GLI3: variants seen among roughly 807,000 people sequenced by gnomAD.
GLI3 encodes GLI family zinc finger 3.
Under a neutral mutation model 100.8 loss-of-function variants are expected in GLI3, and 20 were observed. The observed-to-expected ratio is 0.20, with a 90% CI of 0.14 to 0.29. The LOEUF (loss-of-function observed/expected upper bound fraction) is 0.29, where lower values mean the gene tolerates loss of function less well. Ranked by LOEUF, GLI3 falls within the 10% of genes least tolerant of loss-of-function variation. The pLI is 1.00. For missense variants in GLI3, 2,040 were observed against 2,128.5 expected, an observed-to-expected ratio of 0.96 and a Z score of 0.82; for synonymous variants, 938 against 860.5, an observed-to-expected ratio of 1.09 and a Z score of -1.58.
intron 13 of GLI3, 40 bp from the exon 14 acceptor site, chr7:41,967,963 G>A (rs1183934146): frequency 6.6e-7 from 1 of 1,524,412 alleles, no homozygotes; most frequent in African/African-American, 1.4e-5. Flanking sequence ...TGTCACCAGG[G>A]AGGGTCAAGG....
intron 1 of GLI3, among the ~76,000 whole-genome samples, chr7:42,263,847 ATTTTTCTGC>A (rs1257553263): frequency 2.6e-5 from 4 of 152,080 alleles, no homozygotes; most frequent in Admixed American, 6.6e-5. Context: ...ATATCAGGAT[ATTTTTCTGC>A]TATGAAACAT....
At chr7:42,212,285 T>G (rs1462612214) in intron 2 of GLI3, among the ~76,000 whole-genome samples, 1 of 152,236 alleles carries the variant, frequency 6.6e-6, no homozygotes, top group African/African-American at 2.4e-5. Context: ...TCAAAGGATT[T>G]TAAAATCTGC....
intron 4 of GLI3, among the ~76,000 whole-genome samples, chr7:42,055,640 A>T (rs910654665): frequency 6.6e-6 from 1 of 151,802 alleles, no homozygotes; most frequent in Non-Finnish European, 1.5e-5. Context: ...CCTTAACCCT[A>T]CCCACACCTC....
intron 2 of GLI3, among the ~76,000 whole-genome samples, chr7:42,170,283 T>C (rs1456833048): frequency 4.1e-5 from 6 of 145,812 alleles, no homozygotes; most frequent in African/African-American, 1.5e-4. Context: ...TATATATATA[T>C]ATATACACAC....
At chr7:42,229,018 GATTCCTTTAT>G (rs1203621001) in intron 1 of GLI3, among the ~76,000 whole-genome samples, 4 of 152,158 alleles carry the variant, frequency 2.6e-5, no homozygotes, top group African/African-American at 4.8e-5. Context: ...ATGGGAGCAG[GATTCCTTTAT>G]CGTTTAAACA....
At chr7:42,025,934 C>T (rs1372932014) in intron 8 of GLI3, among the ~76,000 whole-genome samples, 1 of 152,226 alleles carries the variant, frequency 6.6e-6, no homozygotes, top group Non-Finnish European at 1.5e-5. Context: ...TTACAGATGG[C>T]ACCAGGTCAC....
intron 2 of GLI3, among the ~76,000 whole-genome samples, chr7:42,171,120 C>T (rs1787363889): frequency 1.3e-5 from 2 of 152,196 alleles, no homozygotes; most frequent in African/African-American, 2.4e-5. Context: ...TTGCATCTCA[C>T]CTTAGCTTCT....
intron 4 of GLI3, among the ~76,000 whole-genome samples, chr7:42,048,943 A>G (rs747110786): frequency 6.6e-6 from 1 of 152,150 alleles, no homozygotes; most frequent in African/African-American, 2.4e-5. Context: ...TTGCACTCCA[A>G]AATAGTAAAA....
intron 10 of GLI3, among the ~76,000 whole-genome samples, chr7:41,984,583 C>T (rs1190442749): frequency 6.6e-6 from 1 of 152,212 alleles, no homozygotes; most frequent in Non-Finnish European, 1.5e-5. Context: ...CACCTGGCTG[C>T]CTCAAAAGTC....
chr7:42,053,709 C>T (rs1248696269), intron 4 of GLI3, among the ~76,000 whole-genome samples: 2 of 152,194 alleles, frequency 1.3e-5, no homozygotes, highest in Non-Finnish European at 2.9e-5. Context: ...GTCTGTGGCT[C>T]AGTCATTGGA....
At chr7:41,974,126 C>T (rs1787439273) in intron 12 of GLI3, among the ~76,000 whole-genome samples, 1 of 152,076 alleles carries the variant, frequency 6.6e-6, no homozygotes, top group Admixed American at 6.5e-5. Context: ...GAGCACAAAG[C>T]CTGCATGTTT....
At chr7:42,102,581 G>T (rs545964468) in intron 3 of GLI3, among the ~76,000 whole-genome samples, 10 of 152,216 alleles carry the variant, frequency 6.6e-5, no homozygotes, top group African/African-American at 1.9e-4. Flanking sequence ...CCCAGCCACC[G>T]AGCAGCTGTA....
At chr7:42,075,465 T>C (rs1225951197) in intron 4 of GLI3, among the ~76,000 whole-genome samples, 1 of 152,300 alleles carries the variant, frequency 6.6e-6, no homozygotes, top group East Asian at 1.9e-4. Flanking sequence ...GAATTACATG[T>C]CATGTTTCAG....
intron 3 of GLI3, among the ~76,000 whole-genome samples, chr7:42,126,587 TAATCTGAGTTTCCTGGAAACAAC>T (rs1411766861): frequency 6.6e-6 from 1 of 152,166 alleles, no homozygotes; most frequent in African/African-American, 2.4e-5. Context: ...GAGCAGCTAA[TAATCTGAGTTTCCTGGAAACAAC>T]AATCTGAGTT....
chr7:42,029,767 T>A lies in GLI3; in HGVS notation c.1029-3355A>T, dbSNP rs573835044. Among the ~76,000 whole-genome samples the A allele has an allele frequency of 5.3e-5, 8 of 152,248 alleles. No individual in the cohort carries two copies. The East Asian group carries it at 1.6e-3, about 30-fold the overall frequency. The stretch of plus-strand genomic sequence containing the variant: ...CCTCCTCAGAGGGGCCTTCTTAGAC[T>A]CATGCCCCATCAAAACGAGGCCCCT... On this transcript the variant is annotated intron_variant, in intron 7 of 14. Transcript: ENST00000395925.
intron 3 of GLI3, among the ~76,000 whole-genome samples, chr7:42,138,868 T>C (rs563685732): frequency 6.6e-6 from 1 of 152,304 alleles, no homozygotes; most frequent in Admixed American, 6.5e-5. Flanking sequence ...GGGCTCCCTT[T>C]GATCCTCACA....
chr7:42,005,458 T>TACACACACAC (rs3030321), intron 10 of GLI3, among the ~76,000 whole-genome samples: 9,652 of 143,488 alleles, frequency 0.067, 366 homozygotes, highest in Non-Finnish European at 0.088. Context: ...TGAATTCACA[T>TACACACACAC]ACACACACAC....
At chr7:42,055,824 A>G (rs1048033888) in intron 4 of GLI3, among the ~76,000 whole-genome samples, 8 of 152,218 alleles carry the variant, frequency 5.3e-5, no homozygotes, top group Non-Finnish European at 1.0e-4. Flanking sequence ...TACATGTATA[A>G]CCACACAGAT....
At chr7:41,996,231 G>A (rs189856014) in intron 10 of GLI3, among the ~76,000 whole-genome samples, 2 of 152,196 alleles carry the variant, frequency 1.3e-5, no homozygotes, top group South Asian at 2.1e-4. Flanking sequence ...TTATTAAAAT[G>A]AACTGGCTAA....
Sources: allele counts gnomAD v4.1 joint callset (sites outside exome capture counted in the v4.1 genomes callset), GRCh38; gene constraint gnomAD v4.1.1; transcripts MANE v1.5; gene names NCBI Gene and HGNC (gene_info 2026-07-23, HGNC 2026-07-21).